ANKRD29: variants seen among roughly 807,000 people sequenced by gnomAD.
ANKRD29 encodes ankyrin repeat domain-containing protein 29.
A neutral mutation model predicts 38.0 loss-of-function variants in ANKRD29; 32 were observed. The ratio of observed to expected loss-of-function variants is 0.84; its 90% CI spans 0.64 to 1.13. The LOEUF (loss-of-function observed/expected upper bound fraction) is 1.13. ANKRD29 is among the 50% of genes most tolerant of loss of function. The pLI is 0.00. For synonymous variants in ANKRD29, 135 were observed against 152.4 expected (o/e 0.89, Z 0.84); for missense variants, 357 against 377.9 (o/e 0.94, Z 0.46).
intron 1 of ANKRD29, among the ~76,000 whole-genome samples, chr18:23,653,529 G>A (rs908667739): frequency 6.6e-5 from 10 of 151,896 alleles, no homozygotes; most frequent in Admixed American, 2.6e-4. Flanking sequence ...GATTACAGGC[G>A]TGAGCCACCG....
At chr18:23,658,894 A>C (rs1052774355) in intron 1 of ANKRD29, among the ~76,000 whole-genome samples, 1 of 152,152 alleles carries the variant, frequency 6.6e-6, no homozygotes, top group African/African-American at 2.4e-5. Flanking sequence ...AGCCACCTTG[A>C]TCTCAAGACT....
intron 4 of ANKRD29, 40 bp from the exon 5 acceptor site, chr18:23,634,189 A>G (rs2059971357): frequency 4.5e-6 from 7 of 1,539,788 alleles, no homozygotes; most frequent in Non-Finnish European, 6.3e-6. Flanking sequence ...GAGGTGGCGC[A>G]GGCACATAAT....
At chr18:23,629,388 C>T (rs1232030792) in intron 6 of ANKRD29, among the ~76,000 whole-genome samples, 1 of 152,244 alleles carries the variant, frequency 6.6e-6, no homozygotes, top group Non-Finnish European at 1.5e-5. Context: ...GATGAAGGTG[C>T]AGAACCTCCT....
At chr18:23,610,112 A>C (rs1410445646) in intron 9 of ANKRD29, among the ~76,000 whole-genome samples, 1 of 152,248 alleles carries the variant, frequency 6.6e-6, no homozygotes, top group African/African-American at 2.4e-5. Context: ...GAGTATGTTA[A>C]GTATAAAGTA....
rs1249329315 is a variant in ANKRD29 at position 23,662,642 on chromosome 18, A to G, written c.21+68T>C. 17 of 61,516 alleles carry G rather than the reference A, an allele frequency of 2.8e-4. No homozygotes were observed. In the East Asian group the frequency reaches 7.7e-3, roughly 28 times the overall value. 3.8% of individuals were successfully genotyped at this position (61,516 alleles called of 1,614,324 possible). On this transcript the variant is annotated intron_variant, in intron 1 of 9. Coordinates refer to ENST00000592179, the MANE Select transcript of ANKRD29 (RefSeq NM_173505.4). Reference sequence around the variant, plus strand: ...ACCCCATCCCACCCCATCCCACCCCACCCGACCCCGCGGGCCCGGCCGCCC... The same window carrying G: ...ACCCCATCCCACCCCATCCCACCCCGCCCGACCCCGCGGGCCCGGCCGCCC...
chr18:23,632,531 G>GTA lies in ANKRD29; in HGVS notation c.429+1519_429+1520insTA, dbSNP rs772817461. ...TCCTATTCAGTGTGTGTGTGTGTGT[G>GTA]TGTATATATATATATATTACACACT... On this transcript the variant is annotated intron_variant, in intron 5 of 9. Coordinates refer to ENST00000592179, the MANE Select transcript of ANKRD29 (RefSeq NM_173505.4). Among the ~76,000 whole-genome samples the GTA allele has an allele frequency of 6.8e-3, 866 of 126,928 alleles. 42 individuals are homozygous for GTA. Among genetic ancestry groups the GTA allele is most frequent in the African/African-American group, 0.027 (802 of 30,224 alleles). 83.3% of individuals were successfully genotyped at this position (126,928 alleles called of 152,430 possible).
chr18:23,617,210 C>T (rs771210452), intron 8 of ANKRD29, among the ~76,000 whole-genome samples: 28 of 151,976 alleles, frequency 1.8e-4, no homozygotes, highest in Non-Finnish European at 3.5e-4. Context: ...AAGGGAGACT[C>T]CATCTCAAAA....
chr18:23,616,537 C>CTA (rs1201381603), intron 8 of ANKRD29, among the ~76,000 whole-genome samples: 64 of 115,044 alleles, frequency 5.6e-4, no homozygotes, highest in Middle Eastern at 4.1e-3. Flanking sequence ...TAAATTTATA[C>CTA]TATATATATA....
intron 8 of ANKRD29, among the ~76,000 whole-genome samples, chr18:23,613,424 A>G (rs2059669683): frequency 6.6e-6 from 1 of 151,752 alleles, no homozygotes; most frequent in Non-Finnish European, 1.5e-5. Flanking sequence ...TGCCCACCTC[A>G]GCCTCCCAAA....
At chr18:23,627,337 A>G (rs1001183828) in intron 6 of ANKRD29, among the ~76,000 whole-genome samples, 1 of 152,224 alleles carries the variant, frequency 6.6e-6, no homozygotes, top group African/African-American at 2.4e-5. Context: ...GCTGAACTCA[A>G]AATAATTCAA....
Position 23,633,941 on chromosome 18 carries a change from C to T in ANKRD29, c.429+110G>A, listed in dbSNP as rs533106369. The stretch of plus-strand genomic sequence containing the variant: ...TTTTTCTCTTGACTCAGACCCAAGT[C>T]CTACTGTCCATTAAAGTATTTTTGA... On this transcript the variant is annotated intron_variant, in intron 5 of 9. Coordinates refer to ENST00000592179, the MANE Select transcript of ANKRD29 (RefSeq NM_173505.4). The T allele has an allele frequency of 3.7e-4, 398 of 1,068,452 alleles. 1 individual carries two copies. The highest frequency in any genetic ancestry group is 7.1e-4 in the Admixed American group (36 of 50,420). 66.2% of individuals were successfully genotyped at this position (1,068,452 alleles called of 1,614,324 possible).
intron 6 of ANKRD29, chr18:23,619,945 A>G (rs956064699): frequency 2.2e-5 from 7 of 312,792 alleles, no homozygotes; most frequent in African/African-American, 1.3e-4. Context: ...GACTTCATGG[A>G]AAGATGCGTG....
At position 23,612,168 on chromosome 18, in the gene ANKRD29, G is replaced by A. The variant is rs758797069; in HGVS notation, c.746C>T (p.Ala249Val). The part of the protein sequence containing the change: ...ILKNGTSALH[A>V]AVLSGNIKTV... ...TTTAATGTTTCCACTGAGCACTGCTGCATGGAGCGCTGATGTCCCATTCTA... is the reference window on the plus strand; with the variant it reads ...TTTAATGTTTCCACTGAGCACTGCTACATGGAGCGCTGATGTCCCATTCTA... The change falls in exon 9 of 10, where the codon GCA (alanine) becomes GTA (valine). Residue 249 changes from alanine (A) to valine (V), a missense_variant. Coordinates refer to ENST00000592179, the MANE Select transcript of ANKRD29 (RefSeq NM_173505.4). 8 of 1,613,768 alleles carry A rather than the reference G, an allele frequency of 5.0e-6. No individual in the cohort carries two copies. The African/African-American group carries it at 5.3e-5, about 11-fold the overall frequency.
chr18:23,621,969 C>A (rs745936807), intron 6 of ANKRD29, among the ~76,000 whole-genome samples: 2 of 152,018 alleles, frequency 1.3e-5, no homozygotes, highest in Non-Finnish European at 2.9e-5. Context: ...CAGGTGTGAG[C>A]CCAGCCTTCT....
intron 3 of ANKRD29, among the ~76,000 whole-genome samples, chr18:23,645,902 G>A (rs1408220071): frequency 6.6e-6 from 1 of 152,014 alleles, no homozygotes; most frequent in Admixed American, 6.6e-5. Context: ...TCATCCCAAG[G>A]GAGTAATAAA....
intron 3 of ANKRD29, among the ~76,000 whole-genome samples, chr18:23,641,072 GA>G (rs543385706): frequency 1.6e-4 from 23 of 147,882 alleles, no homozygotes; most frequent in East Asian, 3.9e-4. Context: ...ATGTGGTCTA[GA>G]AAAAAAAAAG....
intron 3 of ANKRD29, among the ~76,000 whole-genome samples, chr18:23,641,206 A>G (rs949504749): frequency 2.6e-5 from 4 of 152,218 alleles, no homozygotes; most frequent in Non-Finnish European, 4.4e-5. Context: ...CATGCTCCTC[A>G]GGTCCAGTGG....
In ANKRD29 at chr18:23,601,000, A is replaced by C; in HGVS notation, c.*226T>G. 1 of 432,134 alleles carries C rather than the reference A, an allele frequency of 2.3e-6. No homozygotes were observed. Among genetic ancestry groups the C allele is most frequent in the East Asian group, 3.9e-5 (1 of 25,900 alleles). 26.8% of individuals were successfully genotyped at this position (432,134 alleles called of 1,614,324 possible). A position where few individuals can be genotyped will look rare whatever the true frequency, so the allele number is the denominator to read the frequency against. On this transcript the variant is annotated 3_prime_UTR_variant, in exon 10 of 10. Transcript: ENST00000592179. ...TGCCAGGCCCCCCGGGAGATGAGTT[A>C]CAGGACACCATGAGAAGTCCATGGT...
chr18:23,613,204 G>A (rs755777107), intron 8 of ANKRD29, among the ~76,000 whole-genome samples: 86 of 126,068 alleles, frequency 6.8e-4, no homozygotes, highest in Non-Finnish European at 1.1e-3. Context: ...ACAGTGTCTC[G>A]CTCTGTCTCC....
Sources: gnomAD v4.1 joint callset for allele counts (sites outside exome capture counted in the v4.1 genomes callset) on GRCh38, gnomAD v4.1.1 for gene constraint, MANE v1.5 for transcripts, NCBI Gene and HGNC (gene_info 2026-07-23, HGNC 2026-07-21) for gene names.